Variants in KLHL1 observed in about 807,000 individuals in gnomAD.
The protein encoded by KLHL1 is kelch like family member 1.
A neutral mutation model predicts 77.7 loss-of-function variants in KLHL1; 47 were observed. The ratio of observed to expected loss-of-function variants is 0.60; its 90% confidence interval spans 0.48 to 0.77. The LOEUF is 0.77. Ranked by LOEUF, KLHL1 falls within the 30% of genes least tolerant of loss-of-function variation. The pLI, the probability that KLHL1 is intolerant of heterozygous loss-of-function variation, is 0.00. For missense variants in KLHL1, 925 were observed against 910.8 expected, an observed-to-expected ratio of 1.02 and a Z score of -0.20; for synonymous variants, 360 against 325.2, an observed-to-expected ratio of 1.11 and a Z score of -1.15.
Position 69,701,765 on chromosome 13 carries a change from T to C in KLHL1, c.2188-4A>G. On this transcript the variant is annotated splice_polypyrimidine_tract_variant and splice_region_variant and intron_variant, in intron 10 of 10. Transcript: ENST00000377844. ...TCCCAATATTCAAGGAAGCCATCTGTTAAAAAAGATGAAACACAACTTAAG... is the reference window on the plus strand; with the variant it reads ...TCCCAATATTCAAGGAAGCCATCTGCTAAAAAAGATGAAACACAACTTAAG... 1 of 1,601,780 alleles carries C rather than the reference T, an allele frequency of 6.2e-7. No individual in the cohort carries two copies. Among genetic ancestry groups the C allele is most frequent in the Non-Finnish European group, 8.5e-7 (1 of 1,172,728 alleles).
chr13:69,922,955 A>G (rs141408447), intron 4 of KLHL1, among the ~76,000 whole-genome samples: 153 of 152,354 alleles, frequency 1.0e-3, no homozygotes, highest in African/African-American at 3.4e-3. Context: ...AATAATACAT[A>G]AAGATGAAAT....
chr13:69,944,712 T>C (rs1289777004), intron 3 of KLHL1, among the ~76,000 whole-genome samples: 2 of 152,130 alleles, frequency 1.3e-5, no homozygotes, highest in African/African-American at 4.8e-5. Context: ...ATTGCAAAAC[T>C]GATTATAAAA....
intron 4 of KLHL1, among the ~76,000 whole-genome samples, chr13:69,918,436 T>C (rs113798971): frequency 5.3e-4 from 81 of 152,132 alleles, no homozygotes; most frequent in African/African-American, 1.9e-3. Context: ...TTATATGCAC[T>C]GTTTATTTTT....
chr13:69,777,915 A>G (rs1230656350), intron 7 of KLHL1, among the ~76,000 whole-genome samples: 1 of 152,120 alleles, frequency 6.6e-6, no homozygotes, highest in Non-Finnish European at 1.5e-5. Flanking sequence ...TGAATGCAGG[A>G]ATAACTTAAC....
At chr13:70,006,535 A>T (rs1225240503) in intron 1 of KLHL1, among the ~76,000 whole-genome samples, 4 of 140,210 alleles carry the variant, frequency 2.9e-5, no homozygotes, top group African/African-American at 2.7e-5. Context: ...TTTGAGAAGG[A>T]TTTGTATTAG....
At chr13:69,823,468 A>G (rs115062383) in intron 6 of KLHL1, among the ~76,000 whole-genome samples, 2,204 of 152,116 alleles carry the variant, frequency 0.014, 53 homozygotes, top group African/African-American at 0.049. Context: ...CATTAAAATT[A>G]TTTATTTTAA....
At chr13:70,101,746 C>T (rs548385139) in intron 1 of KLHL1, among the ~76,000 whole-genome samples, 8 of 152,148 alleles carry the variant, frequency 5.3e-5, no homozygotes, top group East Asian at 1.9e-4. Flanking sequence ...CTATTTCTTA[C>T]GATTGTTTTA....
chr13:69,922,462 A>AG (rs1882675089), intron 4 of KLHL1, among the ~76,000 whole-genome samples: 1 of 151,974 alleles, frequency 6.6e-6, no homozygotes, highest in Non-Finnish European at 1.5e-5. Context: ...GTTTATAAAA[A>AG]GACTGTTTGC....
intron 4 of KLHL1, chr13:69,895,206 A>T: frequency 2.0e-6 from 1 of 502,498 alleles, no homozygotes. Flanking sequence ...ACTGAATGTG[A>T]GGTGTTACCA....
intron 1 of KLHL1, among the ~76,000 whole-genome samples, chr13:70,074,196 G>A (rs1481520314): frequency 6.6e-6 from 1 of 152,044 alleles, no homozygotes; most frequent in African/African-American, 2.4e-5. Context: ...AAGAGATTTG[G>A]CCATAGTGGG....
intron 8 of KLHL1, among the ~76,000 whole-genome samples, chr13:69,728,322 AACAG>A (rs2137909324): frequency 6.6e-6 from 1 of 152,256 alleles, no homozygotes; most frequent in East Asian, 1.9e-4. Context: ...ATGGAAAAAC[AACAG>A]ACAATGAATC....
At chr13:69,807,449 C>T (rs1877663797) in intron 6 of KLHL1, among the ~76,000 whole-genome samples, 1 of 152,046 alleles carries the variant, frequency 6.6e-6, no homozygotes, top group Non-Finnish European at 1.5e-5. Flanking sequence ...TTCTCTGTTG[C>T]TTCTGCTCCC....
Position 70,107,721 on chromosome 13 carries a change from A to C in KLHL1, c.-22T>G, listed in dbSNP as rs371093873. The C allele has an allele frequency of 5.6e-5, 84 of 1,500,252 alleles. No individual in the cohort carries two copies. The African/African-American group carries it at 1.0e-3, about 18-fold the overall frequency. 92.9% of individuals were successfully genotyped at this position (1,500,252 alleles called of 1,614,324 possible). A position where few individuals can be genotyped will look rare whatever the true frequency, so the allele number is the denominator to read the frequency against. ...ACATGCTTTACGCACAGAAGGCAAA[A>C]GGCTGGCAGCTCACGCAGGAGTAGG... is the stretch of plus-strand genomic sequence containing the variant. On this transcript the variant is annotated 5_prime_UTR_variant, in exon 1 of 11. Transcript: ENST00000377844.
chr13:69,768,338 A>G (rs1875406213), intron 7 of KLHL1, among the ~76,000 whole-genome samples: 1 of 152,208 alleles, frequency 6.6e-6, no homozygotes, highest in South Asian at 2.1e-4. Context: ...AAATTATTAC[A>G]TTACACAAAG....
intron 1 of KLHL1, among the ~76,000 whole-genome samples, chr13:70,043,051 G>A (rs1304282865): frequency 2.0e-5 from 3 of 152,220 alleles, no homozygotes; most frequent in East Asian, 3.9e-4. Flanking sequence ...GATTATAGGC[G>A]TGAGCCACCA....
chr13:70,030,399 G>C (rs1886066500), intron 1 of KLHL1, among the ~76,000 whole-genome samples: 1 of 151,990 alleles, frequency 6.6e-6, no homozygotes, highest in Non-Finnish European at 1.5e-5. Flanking sequence ...CTGTCTCTCA[G>C]ACCACAGTGC....
intron 5 of KLHL1, among the ~76,000 whole-genome samples, chr13:69,855,770 C>T (rs1879887840): frequency 6.7e-6 from 1 of 150,254 alleles, no homozygotes; most frequent in Admixed American, 6.7e-5. Flanking sequence ...ATAAATTACC[C>T]AGTCTTGGGC....
chr13:69,996,342 TTAAAGAG>T (rs1212280183), intron 1 of KLHL1, among the ~76,000 whole-genome samples: 2 of 151,900 alleles, frequency 1.3e-5, no homozygotes, highest in South Asian at 2.1e-4. Context: ...CCTTGAAATA[TTAAAGAG>T]TAGAGATTCC....
At chr13:69,915,226 G>C (rs967059666) in intron 4 of KLHL1, among the ~76,000 whole-genome samples, 1 of 152,044 alleles carries the variant, frequency 6.6e-6, no homozygotes, top group Non-Finnish European at 1.5e-5. Context: ...TTTCTTCACA[G>C]AATTGGAAAA....
Sources: gnomAD v4.1 joint callset for allele counts (sites outside exome capture counted in the v4.1 genomes callset) on GRCh38, gnomAD v4.1.1 for gene constraint, MANE v1.5 for transcripts, NCBI Gene and HGNC (gene_info 2026-07-23, HGNC 2026-07-21) for gene names.